PDLIM4: variants seen among roughly 807,000 people sequenced by gnomAD.
The protein encoded by PDLIM4 is PDZ and LIM domain 4, also known as PDZ and LIM domain protein 4.
In PDLIM4, 19 loss-of-function variants were observed where a neutral mutation model predicts 31.3. That is an observed-to-expected ratio of 0.61 (90% CI 0.42 to 0.89). The LOEUF is 0.89. PDLIM4 is among the 40% of genes least tolerant of loss of function. The pLI, the probability that PDLIM4 is intolerant of heterozygous loss-of-function variation, is 0.00. For missense variants in PDLIM4, 442 were observed against 461.1 expected (o/e 0.96, Z 0.38); for synonymous variants, 176 against 190.1 (o/e 0.93, Z 0.61).
intron 5 of PDLIM4, 42 bp from the exon 6 acceptor site, chr5:132,271,749 A>T (rs200933446): frequency 4.5e-6 from 6 of 1,337,254 alleles, no homozygotes. Context: ...TGGAGTTCTG[A>T]CCTCCTCACC....
intron 1 of PDLIM4, among the ~76,000 whole-genome samples, chr5:132,260,260 C>T (rs1756344198): frequency 6.6e-6 from 1 of 152,192 alleles, no homozygotes. Flanking sequence ...TGATTCATGC[C>T]CTCACCGCCC....
intron 3 of PDLIM4, 25 bp from the exon 4 acceptor site, chr5:132,270,890 A>G: frequency 1.2e-6 from 2 of 1,609,736 alleles, no homozygotes; most frequent in Non-Finnish European, 1.7e-6. Context: ...AGGGTCTCCC[A>G]GTGCCTTAGG....
In PDLIM4 at chr5:132,271,644, C is replaced by G. The variant is rs371368762; in HGVS notation, c.671-147C>G. On this transcript the variant is annotated intron_variant, in intron 5 of 6. Transcript: ENST00000253754. The stretch of plus-strand genomic sequence containing the variant: ...TGGCTTCCCGATTCCCTCTCCACCC[C>G]CTGTCGCTGCCCCTCACCCCACGCC... 630 of 919,398 alleles carry G rather than the reference C, an allele frequency of 6.9e-4. 4 individuals are homozygous for G. The African/African-American group carries it at 8.5e-3, about 12-fold the overall frequency. The allele number at this position is 919,398 out of a possible 1,614,324, so 57.0% of individuals were successfully genotyped here. A position where few individuals can be genotyped will look rare whatever the true frequency, so the allele number is the denominator to read the frequency against.
rs1038030591 is a variant in PDLIM4 at position 132,271,106 on chromosome 5, T to C, written c.506+13T>C. The C allele has an allele frequency of 1.2e-6, 2 of 1,610,186 alleles. No individual in the cohort carries two copies. Among genetic ancestry groups the C allele is most frequent in the Non-Finnish European group, 1.7e-6 (2 of 1,176,998 alleles). The stretch of plus-strand genomic sequence containing the variant: ...CTCCACCCCCCAGGTAGCACAGAGA[T>C]GCCTTCGGTGCCATGCCCAGAACCC... On this transcript the variant is annotated intron_variant, in intron 4 of 6. Transcript: ENST00000253754.
chr5:132,272,273 G>C lies in PDLIM4; in HGVS notation c.*44G>C, dbSNP rs757982030. ...CGCCTGCTTCTTAAGGTCCCTGCTC[G>C]GCCGGTGTAAATATGTTTCACCCTG... On this transcript the variant is annotated 3_prime_UTR_variant, in exon 7 of 7. Transcript: ENST00000253754. 3 of 1,503,970 alleles carry C rather than the reference G, an allele frequency of 2.0e-6. No homozygotes were observed. The highest frequency in any genetic ancestry group is 1.1e-5 in the South Asian group (1 of 87,998). The allele number at this position is 1,503,970 out of a possible 1,614,324, so 93.2% of individuals were successfully genotyped here.
chr5:132,271,585 G>A (rs780677269), intron 5 of PDLIM4, 119 bp downstream of exon 5: 4 of 1,142,144 alleles, frequency 3.5e-6, no homozygotes, highest in African/African-American at 1.5e-5. Context: ...TCTGCGGCCC[G>A]GTCCCACGCC....
At position 132,272,511 on chromosome 5, in the gene PDLIM4, C is replaced by A. The variant is rs1756651659; in HGVS notation, c.*282C>A. 3 of 503,566 alleles carry A rather than the reference C, an allele frequency of 6.0e-6. No homozygotes were observed. Among genetic ancestry groups the A allele is most frequent in the Non-Finnish European group, 1.1e-5 (3 of 274,304 alleles). The allele number at this position is 503,566 out of a possible 1,614,324, so 31.2% of individuals were successfully genotyped here. ...GAAGGCAGACCTGAATCACAACGGG[C>A]CAGCTCTAGTAATACGAAGGTGAGG... On this transcript the variant is annotated 3_prime_UTR_variant, in exon 7 of 7. Transcript: ENST00000253754.
intron 5 of PDLIM4, 76 bp from the exon 6 acceptor site, chr5:132,271,715 G>A (rs1195229805): frequency 1.7e-6 from 2 of 1,151,844 alleles, no homozygotes; most frequent in Non-Finnish European, 2.6e-6. Context: ...CCCGTCTGGC[G>A]CCCAACCAAA....
chr5:132,266,661 C>T, intron 3 of PDLIM4, 116 bp downstream of exon 3: 2 of 629,844 alleles, frequency 3.2e-6, no homozygotes, highest in Non-Finnish European at 5.5e-6. Flanking sequence ...ATACCCAAGA[C>T]AGAGACTGAA....
In PDLIM4 at chr5:132,270,948, G is replaced by C; in HGVS notation, c.361G>C (p.Gly121Arg). 6.2e-7 allele frequency: 1 copy of C among 1,614,128 alleles called. No individual in the cohort carries two copies. Among genetic ancestry groups the C allele is most frequent in the South Asian group, 1.1e-5 (1 of 91,088 alleles). ...CCCAACAACCAGCAGGCGGCCCTCA[G>C]GCACCGGGACTGGGCCAGAAGATGG... ...GSPTTSRRPS[G>R]TGTGPEDGRP... The change falls in exon 4 of 7, where the codon GGC becomes CGC. Residue 121 changes from glycine (G) to arginine (R), a missense_variant. By Grantham distance (125) the Gly-to-Arg change is moderately radical (BLOSUM62 -2). Coordinates refer to ENST00000253754, the MANE Select transcript of PDLIM4 (RefSeq NM_003687.4).
intron 3 of PDLIM4, chr5:132,266,778 C>T (rs1756501064): frequency 2.5e-6 from 1 of 401,232 alleles, no homozygotes; most frequent in Admixed American, 4.4e-5. Context: ...GATTCTGGAC[C>T]AAGGTGCCTA....
In PDLIM4 at chr5:132,257,702, C is replaced by A. The variant is rs1214821682; in HGVS notation, c.-33C>A. The A allele has an allele frequency of 7.3e-7, 1 of 1,363,402 alleles. No individual in the cohort carries two copies. The highest frequency in any genetic ancestry group is 9.7e-7 in the Non-Finnish European group (1 of 1,029,028). 84.5% of individuals were successfully genotyped at this position (1,363,402 alleles called of 1,614,324 possible). The stretch of plus-strand genomic sequence containing the variant: ...GCGGCGGCGGCTCCTCCTCAGAGTC[C>A]GGCTCAGGCTCCGGCTGCGGCTCCA... On this transcript the variant is annotated 5_prime_UTR_variant, in exon 1 of 7. Coordinates refer to ENST00000253754, the MANE Select transcript of PDLIM4 (RefSeq NM_003687.4). This position sits in a 1 kb window ranked among gnomAD's most constrained non-coding sequence, Gnocchi z 4.3.
Position 132,272,227 on chromosome 5 carries a change from T to C in PDLIM4, c.991T>C (p.Ter331ArgextTer18). ...VYPNAKVELV[*>R] Reference sequence around the variant, plus strand: ...CCCCAATGCCAAGGTGGAACTCGTCTGAGCTGGGACCCTGCTCCCACGCCT... The same window carrying C: ...CCCCAATGCCAAGGTGGAACTCGTCCGAGCTGGGACCCTGCTCCCACGCCT... The change falls in exon 7 of 7, where the codon TGA (stop) becomes CGA (arginine). Residue 331 changes from the stop codon to arginine (R), a stop_lost. Coordinates refer to ENST00000253754, the MANE Select transcript of PDLIM4 (RefSeq NM_003687.4). The C allele has an allele frequency of 6.2e-7, 1 of 1,613,404 alleles. No individual in the cohort carries two copies. Among genetic ancestry groups the C allele is most frequent in the Non-Finnish European group, 8.5e-7 (1 of 1,179,374 alleles).
At chr5:132,271,957 C>G in intron 6 of PDLIM4, 49 bp downstream of exon 6, 2 of 1,593,560 alleles carry the variant, frequency 1.3e-6, no homozygotes, top group Non-Finnish European at 1.7e-6. Context: ...CTTCCAGGGC[C>G]CTGGATGCGG....
rs1756652323 is a variant in PDLIM4 at position 132,272,549 on chromosome 5, C to T, written c.*320C>T. ...TACGAAGGTGAGGTCTGGGATGCTG[C>T]GTGCGGCGCGACGACAGGAGGTATG... On this transcript the variant is annotated 3_prime_UTR_variant, in exon 7 of 7. Transcript: ENST00000253754. 4 of 405,850 alleles carry T rather than the reference C, an allele frequency of 9.9e-6. No homozygotes were observed. The highest frequency in any genetic ancestry group is 4.7e-5 in the South Asian group (2 of 42,174). 25.1% of individuals were successfully genotyped at this position (405,850 alleles called of 1,614,324 possible).
At chr5:132,270,607 C>T in intron 3 of PDLIM4, 1 of 476,934 alleles carries the variant, frequency 2.1e-6, no homozygotes, top group East Asian at 3.6e-5. Context: ...AGTACTGTCC[C>T]TTCCTGAGTG....
chr5:132,260,370 C>G lies in PDLIM4; in HGVS notation c.94-2239C>G, dbSNP rs374922276. Reference sequence around the variant, plus strand: ...GAATTCCACTCTGTCCTGTGACTTCCCGCTTAGAGCCCTCCATGGTTCCCA... The same window carrying G: ...GAATTCCACTCTGTCCTGTGACTTCGCGCTTAGAGCCCTCCATGGTTCCCA... On this transcript the variant is annotated intron_variant, in intron 1 of 6. Transcript: ENST00000253754. Among the ~76,000 whole-genome samples, 54 of 152,286 alleles carry G rather than the reference C, an allele frequency of 3.5e-4. No homozygotes were observed. The East Asian group carries it at 3.9e-3, about 11-fold the overall frequency.
rs554179487 is a variant in PDLIM4 at position 132,263,915 on chromosome 5, A to G, written c.245+1155A>G. ...CCAGCCTCTGGAGCCTTAGGTGCCC[A>G]GATGACCTCTATGAGCCCGGGGTTT... On this transcript the variant is annotated intron_variant, in intron 2 of 6. Transcript: ENST00000253754. 7.8e-4 allele frequency among the ~76,000 whole-genome samples: 119 copies of G among 152,356 alleles called. No homozygotes were observed. In the Middle Eastern group the frequency reaches 0.014, roughly 17 times the overall value.
intron 3 of PDLIM4, among the ~76,000 whole-genome samples, chr5:132,267,198 G>A (rs150980701): frequency 2.0e-5 from 3 of 152,196 alleles, no homozygotes; most frequent in African/African-American, 4.8e-5. Context: ...GGGCCACAGA[G>A]TTTGGGCAAG....
Sources: gnomAD v4.1 joint callset for allele counts (sites outside exome capture counted in the v4.1 genomes callset) on GRCh38, gnomAD v4.1.1 for gene constraint, Gnocchi (gnomAD v3.1) non-coding constraint, MANE v1.5 for transcripts, NCBI Gene and HGNC (gene_info 2026-07-23, HGNC 2026-07-21) for gene names.